STARD13: variants seen among roughly 807,000 people sequenced by gnomAD.
STARD13 encodes the protein stAR-related lipid transfer protein 13.
A neutral mutation model predicts 106.4 loss-of-function variants in STARD13; 62 were observed. That is an observed-to-expected ratio of 0.58 (90% confidence interval 0.48 to 0.72). The LOEUF is 0.72. Among genes scored for constraint, STARD13 ranks in the 30% least tolerant of loss-of-function variants. The pLI is 0.00. For missense variants in STARD13, 1,387 were observed against 1,424.0 expected (o/e 0.97, Z 0.42); for synonymous variants, 565 against 553.0 (o/e 1.02, Z -0.31).
At chr13:33,587,215 CAAAAA>C in the STARD13 span, among the ~76,000 whole-genome samples, 3 of 96,762 alleles carry the variant, frequency 3.1e-5, no homozygotes, top group African/African-American at 1.0e-4. Context: ...GACTCTGTCT[CAAAAA>C]AAAAAAAAAA....
intron 1 of STARD13, among the ~76,000 whole-genome samples, chr13:33,229,605 G>A (rs556230330): frequency 3.9e-5 from 6 of 152,120 alleles, no homozygotes; most frequent in Non-Finnish European, 8.8e-5. Context: ...GAGTGCACGC[G>A]TGCACACACA....
downstream of STARD13, among the ~76,000 whole-genome samples, chr13:33,343,626 C>T (rs2077988169): frequency 6.7e-6 from 1 of 149,580 alleles, no homozygotes; most frequent in Admixed American, 6.7e-5. Flanking sequence ...AGTCCCTCTC[C>T]CTAGCTTCCA....
chr13:33,311,750 G>T (rs749550696), intron 1 of STARD13, among the ~76,000 whole-genome samples: 21 of 152,330 alleles, frequency 1.4e-4, no homozygotes, highest in Non-Finnish European at 3.1e-4. Flanking sequence ...AAGCACAAAG[G>T]CTGAGACATT....
intron 2 of STARD13, among the ~76,000 whole-genome samples, chr13:33,167,160 T>C (rs1883415644): frequency 6.6e-6 from 1 of 152,190 alleles, no homozygotes; most frequent in South Asian, 2.1e-4. Context: ...GGATAATTAA[T>C]TTTGTGACTT....
the STARD13 span, among the ~76,000 whole-genome samples, chr13:33,357,260 C>T: frequency 6.6e-6 from 1 of 152,174 alleles, no homozygotes; most frequent in Non-Finnish European, 1.5e-5. Flanking sequence ...GGGGCTGGGA[C>T]CCTTGTCACC....
chr13:33,578,053 A>G, the STARD13 span, among the ~76,000 whole-genome samples: 1 of 152,204 alleles, frequency 6.6e-6, no homozygotes, highest in Non-Finnish European at 1.5e-5. Context: ...GGAAGAATCA[A>G]TATCATAAAA....
At chr13:33,174,769 C>G (rs1453239682) in intron 1 of STARD13, among the ~76,000 whole-genome samples, 1 of 152,194 alleles carries the variant, frequency 6.6e-6, no homozygotes, top group African/African-American at 2.4e-5. Context: ...CACTATGGAC[C>G]TTTATCTCAA....
the STARD13 span, among the ~76,000 whole-genome samples, chr13:33,401,983 C>T: frequency 6.6e-6 from 1 of 152,180 alleles, no homozygotes; most frequent in Non-Finnish European, 1.5e-5. Flanking sequence ...GTAGTTATTA[C>T]ATGTCTTCTA....
chr13:33,619,669 TAAG>T, the STARD13 span, among the ~76,000 whole-genome samples: 1 of 151,820 alleles, frequency 6.6e-6, no homozygotes, highest in Non-Finnish European at 1.5e-5. Context: ...GAAAAAAGGG[TAAG>T]AAGAGTAAAA....
exon 1 of STARD13, chr13:33,350,414 T>C (rs1566154466): frequency 6.5e-7 from 1 of 1,532,520 alleles, no homozygotes; most frequent in Non-Finnish European, 8.7e-7. Flanking sequence ...TGCTGGTCAT[T>C]TTAGATCCGT....
chr13:33,560,945 A>T, the STARD13 span, among the ~76,000 whole-genome samples: 2 of 151,398 alleles, frequency 1.3e-5, no homozygotes, highest in African/African-American at 4.9e-5. Context: ...CATTCTTTGG[A>T]CTGATGATGG....
intron 1 of STARD13, among the ~76,000 whole-genome samples, chr13:33,266,100 A>C (rs1401406863): frequency 6.6e-6 from 1 of 152,216 alleles, no homozygotes; most frequent in Non-Finnish European, 1.5e-5. Flanking sequence ...CAACCACTCT[A>C]AGGAGAAGCC....
the STARD13 span, among the ~76,000 whole-genome samples, chr13:33,530,609 T>C: frequency 6.6e-6 from 1 of 152,236 alleles, no homozygotes; most frequent in African/African-American, 2.4e-5. Flanking sequence ...CTTCTGTTTT[T>C]CTGAAAACAA....
the STARD13 span, among the ~76,000 whole-genome samples, chr13:33,471,093 T>C: frequency 1.3e-5 from 2 of 152,236 alleles, no homozygotes; most frequent in African/African-American, 4.8e-5. Context: ...CTTGAATTAA[T>C]TTTTGTATAA....
intron 8 of STARD13, chr13:33,117,672 T>G (rs981776783): frequency 1.1e-6 from 1 of 944,216 alleles, no homozygotes; most frequent in Non-Finnish European, 1.3e-6. Context: ...TCATGTCACT[T>G]TGAATTTCCT....
At chr13:33,350,278 C>G (rs2078062706) in intron 1 of STARD13, 2 of 1,527,970 alleles carry the variant, frequency 1.3e-6, no homozygotes, top group Non-Finnish European at 8.7e-7. Context: ...GCGGCGTCTC[C>G]GGGGCACTGA....
the STARD13 span, among the ~76,000 whole-genome samples, chr13:33,411,009 T>C: frequency 4.6e-5 from 7 of 152,244 alleles, no homozygotes; most frequent in Non-Finnish European, 1.0e-4. Flanking sequence ...TTTAAAGCAG[T>C]TTTTAAAAGA....
chr13:33,174,332 C>G (rs1884294721), intron 1 of STARD13, among the ~76,000 whole-genome samples: 1 of 151,784 alleles, frequency 6.6e-6, no homozygotes, highest in African/African-American at 2.4e-5. Context: ...TTTGTATGCC[C>G]ACAGTGACGC....
rs71071079 is a variant in STARD13 at position 33,123,055 on chromosome 13, C to CAAAAAAAAA, written c.2082+3017_2082+3025dup. On this transcript the variant is annotated intron_variant, in intron 7 of 13. Coordinates refer to ENST00000336934, the MANE Select transcript of STARD13 (RefSeq NM_178006.4). ...TGGGTGACAGAGCAAGACTCCATCT[C>CAAAAAAAAA]AAAAAAAAAAAAAAAAAAAAAAAAG... Among the ~76,000 whole-genome samples the CAAAAAAAAA allele has an allele frequency of 3.4e-3, 156 of 45,830 alleles. 26 individuals carry two copies. Among genetic ancestry groups the CAAAAAAAAA allele is most frequent in the Non-Finnish European group, 4.8e-3 (126 of 26,402 alleles). The allele number at this position is 45,830 out of a possible 152,430, so 30.1% of individuals were successfully genotyped here. A position where few individuals can be genotyped will look rare whatever the true frequency, so the allele number is the denominator to read the frequency against.
Sources: gnomAD v4.1 joint callset for allele counts (sites outside exome capture counted in the v4.1 genomes callset) on GRCh38, gnomAD v4.1.1 for gene constraint, MANE v1.5 for transcripts, NCBI Gene and HGNC (gene_info 2026-07-23, HGNC 2026-07-21) for gene names.